Variants in RXRG observed in about 807,000 individuals in gnomAD.
The protein encoded by RXRG is retinoid X receptor gamma.
Under a neutral mutation model 49.2 loss-of-function variants are expected in RXRG, and 19 were observed. That is an observed-to-expected ratio of 0.39 (90% confidence interval 0.27 to 0.57). RXRG has a LOEUF of 0.57. Ranked by LOEUF, RXRG falls within the 20% of genes least tolerant of loss-of-function variation. The probability of loss-of-function intolerance (pLI) is 0.64; values close to 1 mark genes in which losing one functional copy is unlikely to be tolerated. For synonymous variants in RXRG, 224 were observed against 216.6 expected, an observed-to-expected ratio of 1.03 and a Z score of -0.30; for missense variants, 452 against 592.5, an observed-to-expected ratio of 0.76 and a Z score of 2.46.
At chr1:165,442,202 C>T (rs1339011005) in intron 1 of RXRG, among the ~76,000 whole-genome samples, 1 of 152,206 alleles carries the variant, frequency 6.6e-6, no homozygotes, top group Non-Finnish European at 1.5e-5. Flanking sequence ...CACTCTAATC[C>T]TGCTTTCCCC....
intron 9 of RXRG, among the ~76,000 whole-genome samples, chr1:165,404,995 G>T (rs1235101130): frequency 6.6e-6 from 1 of 152,174 alleles, no homozygotes; most frequent in Non-Finnish European, 1.5e-5. Flanking sequence ...CCGACCTCAG[G>T]TGATCCGCCA....
At chr1:165,430,363 G>A (rs765622345) in intron 1 of RXRG, among the ~76,000 whole-genome samples, 9 of 152,238 alleles carry the variant, frequency 5.9e-5, no homozygotes, top group Non-Finnish European at 1.0e-4. Context: ...AATGTCAGGA[G>A]TAGGATGCTA....
intron 2 of RXRG, among the ~76,000 whole-genome samples, chr1:165,423,070 A>T (rs1658372717): frequency 6.6e-6 from 1 of 152,108 alleles, no homozygotes. Flanking sequence ...CCTCCTCTTC[A>T]TGAGTGGATA....
intron 9 of RXRG, 29 bp from the exon 10 acceptor site, chr1:165,401,439 C>T: frequency 1.2e-6 from 2 of 1,611,882 alleles, no homozygotes; most frequent in Non-Finnish European, 1.7e-6. Context: ...GCATCAGGGA[C>T]AGGGACGGGC....
rs371375925 is a variant in RXRG, at chr1:165,428,957, C to A, written c.59G>T (p.Gly20Val). 2.4e-5 allele frequency: 38 copies of A among 1,612,600 alleles called. No individual in the cohort carries two copies. The African/African-American group carries it at 4.8e-4, about 20-fold the overall frequency. The change falls in exon 2 of 10, where the codon GGC (glycine) becomes GTC (valine). Residue 20 changes from glycine (G) to valine (V), a missense_variant. By Grantham distance (109) the Gly-to-Val change is moderately radical. This residue lies in a region of RXRG where 166 missense variants were observed against 151.7 expected (regional missense o/e 1.09). Coordinates refer to ENST00000359842, the MANE Select transcript of RXRG (RefSeq NM_006917.5). ...KFPAGYGGSP[G>V]HTGSTSMSPS... ...GCTCATGGATGTAGAGCCAGTGTGG[C>A]CAGGGGAGCCTGTAAGAAGAAGAAT...
At position 165,414,989 on chromosome 1, in the gene RXRG, G is replaced by A. The variant is rs754021056; in HGVS notation, c.622+2052C>T. On this transcript the variant is annotated intron_variant, in intron 4 of 9. Coordinates refer to ENST00000359842, the MANE Select transcript of RXRG (RefSeq NM_006917.5). Reference sequence around the variant, plus strand: ...AGTCACTGGTGATAAAGCAGTGGGGGAAAAAAGCAGATGAAGCCCCCGCCT... The same window carrying A: ...AGTCACTGGTGATAAAGCAGTGGGGAAAAAAAGCAGATGAAGCCCCCGCCT... 6.5e-4 allele frequency among the ~76,000 whole-genome samples: 99 copies of A among 152,278 alleles called. 3 individuals carry two copies. Among genetic ancestry groups the A allele is most frequent in the Admixed American group, 3.3e-4 (5 of 15,298 alleles).
At chr1:165,433,051 T>C (rs1361559084) in intron 1 of RXRG, among the ~76,000 whole-genome samples, 1 of 152,168 alleles carries the variant, frequency 6.6e-6, no homozygotes, top group African/African-American at 2.4e-5. Context: ...TTCAGTGAAC[T>C]ACTTGGCCCT....
At chr1:165,441,454 C>CA (rs11415870) in intron 1 of RXRG, among the ~76,000 whole-genome samples, 66,415 of 152,030 alleles carry the variant, frequency 0.44, 15,792 homozygotes, top group East Asian at 0.7. Context: ...TGCCTGGGTT[C>CA]AATCCCTGGC....
Position 165,400,934 on chromosome 1 carries a change from A to T in RXRG, c.*329T>A, listed in dbSNP as rs1274634323. On this transcript the variant is annotated 3_prime_UTR_variant, in exon 10 of 10. Coordinates refer to ENST00000359842, the MANE Select transcript of RXRG (RefSeq NM_006917.5). ...CATGCTCCAGCAGTGCCAATTTCAC[A>T]CATATTATTTTATTACTCATTTGTT... The T allele has an allele frequency of 4.5e-6, 1 of 221,510 alleles. No individual in the cohort carries two copies. The highest frequency in any genetic ancestry group is 2.3e-5 in the African/African-American group (1 of 42,760). The allele number at this position is 221,510 out of a possible 1,614,324, so 13.7% of individuals were successfully genotyped here. A position where few individuals can be genotyped will look rare whatever the true frequency, so the allele number is the denominator to read the frequency against.
At position 165,409,800 on chromosome 1, in the gene RXRG, A is replaced by T. The variant is rs569752018; in HGVS notation, c.914-110T>A. 17 of 1,039,438 alleles carry T rather than the reference A, an allele frequency of 1.6e-5. No individual in the cohort carries two copies. The South Asian group carries it at 5.0e-4, about 30-fold the overall frequency. The allele number at this position is 1,039,438 out of a possible 1,614,324, so 64.4% of individuals were successfully genotyped here. On this transcript the variant is annotated intron_variant, in intron 6 of 9. Transcript: ENST00000359842. ...CCACATAACACAAGCAGAATTGACA[A>T]TCTAGGGAGGTTAAGAATTAGTTCA...
Position 165,401,313 on chromosome 1 carries a change from T to G in RXRG, c.1342A>C (p.Ile448Leu), listed in dbSNP as rs754843751. The G allele has an allele frequency of 7.4e-6, 12 of 1,613,842 alleles. No homozygotes were observed. Among genetic ancestry groups the G allele is most frequent in the Non-Finnish European group, 9.3e-6 (11 of 1,179,982 alleles). ...AACATCTCCATGAGGAAGGTGTCAA[T>G]GGGGGTGTCCCCGATGAGCTTGAAG... ...FFFKLIGDTP[I>L]DTFLMEMLET... is the part of the protein sequence containing the mutation. The change falls in exon 10 of 10, where the codon ATT becomes CTT. Residue 448 changes from isoleucine (I) to leucine (L), a missense_variant. This residue lies in a region of RXRG where 286 missense variants were observed against 440.9 expected (regional missense o/e 0.65). Transcript: ENST00000359842.
intron 9 of RXRG, among the ~76,000 whole-genome samples, chr1:165,402,446 G>GACTT (rs1553220158): frequency 1.3e-5 from 2 of 151,812 alleles, no homozygotes; most frequent in East Asian, 3.9e-4. Context: ...ATTAGGAAAA[G>GACTT]AGAAAATCAT....
At chr1:165,407,250 T>A (rs1025760305) in intron 8 of RXRG, among the ~76,000 whole-genome samples, 2 of 152,186 alleles carry the variant, frequency 1.3e-5, no homozygotes, top group Admixed American at 1.3e-4. Context: ...ATGGACTGAG[T>A]CATAAGATGG....
At chr1:165,404,541 T>C (rs1657684756) in intron 9 of RXRG, among the ~76,000 whole-genome samples, 1 of 152,162 alleles carries the variant, frequency 6.6e-6, no homozygotes, top group Non-Finnish European at 1.5e-5. Flanking sequence ...AAATGATAAT[T>C]TGTAGTTGTC....
At chr1:165,423,180 G>A (rs189782581) in intron 2 of RXRG, among the ~76,000 whole-genome samples, 1 of 152,190 alleles carries the variant, frequency 6.6e-6, no homozygotes, top group Non-Finnish European at 1.5e-5. Flanking sequence ...TGGCAGATGA[G>A]ATCAAAGGCA....
At position 165,444,994 on chromosome 1, in the gene RXRG, A is replaced by G; in HGVS notation, c.-101T>C. The stretch of plus-strand genomic sequence containing the variant: ...CCGGCTTTCTTCAACTTGGGCTAAC[A>G]AGAGTGGTCATCGCTTCCTAGCAGC... On this transcript the variant is annotated 5_prime_UTR_variant, in exon 1 of 10. Transcript: ENST00000359842. 9.0e-7 allele frequency: 1 copy of G among 1,113,540 alleles called. No individual in the cohort carries two copies. Among genetic ancestry groups the G allele is most frequent in the Middle Eastern group, 2.0e-4 (1 of 5,032 alleles). 69.0% of individuals were successfully genotyped at this position (1,113,540 alleles called of 1,614,324 possible). A position where few individuals can be genotyped will look rare whatever the true frequency, so the allele number is the denominator to read the frequency against.
chr1:165,416,919 A>C (rs1658143484), intron 4 of RXRG, 122 bp downstream of exon 4: 27 of 943,152 alleles, frequency 2.9e-5, no homozygotes. Flanking sequence ...TGGGAAAGAA[A>C]TTTGAAGTGG....
chr1:165,422,606 G>A (rs1352443456), intron 2 of RXRG, among the ~76,000 whole-genome samples: 1 of 152,208 alleles, frequency 6.6e-6, no homozygotes, highest in Non-Finnish European at 1.5e-5. Flanking sequence ...CATGTCCAGT[G>A]GATGGATGGG....
chr1:165,439,057 C>A (rs1343960552), intron 1 of RXRG, among the ~76,000 whole-genome samples: 1 of 152,082 alleles, frequency 6.6e-6, no homozygotes, highest in Non-Finnish European at 1.5e-5. Context: ...GAAACACAAA[C>A]TGTTCACATG....
Sources: allele counts gnomAD v4.1 joint callset (sites outside exome capture counted in the v4.1 genomes callset), GRCh38; gene constraint gnomAD v4.1.1; regional missense constraint gnomAD v4.1.1; transcripts MANE v1.5; gene names NCBI Gene and HGNC (gene_info 2026-07-23, HGNC 2026-07-21).